The following PSMC5 variants were observed in gnomAD, a reference collection of about 807,000 sequenced individuals.
PSMC5 encodes proteasome 26S subunit, ATPase 5, also known as 26S proteasome regulatory subunit 8.
PSMC5 carries 11 observed loss-of-function variants against 49.1 expected under a neutral mutation model. The observed-to-expected ratio is 0.22, with a 90% CI of 0.14 to 0.37. The LOEUF (loss-of-function observed/expected upper bound fraction) is 0.37, where lower values mean the gene tolerates loss of function less well. Among genes scored for constraint, PSMC5 ranks in the 10% least tolerant of loss-of-function variants. The pLI is 1.00. For missense variants in PSMC5, 229 were observed against 520.9 expected (o/e 0.44, Z 5.45); for synonymous variants, 206 against 192.2 (o/e 1.07, Z -0.59).
intron 1 of PSMC5, 178 bp from the exon 2 acceptor site, chr17:63,827,960 G>A: frequency 7.7e-7 from 1 of 1,294,922 alleles, no homozygotes; most frequent in Non-Finnish European, 1.0e-6. Flanking sequence ...TTAGTCCTGG[G>A]AAAATGGAGG....
chr17:63,828,384 T>TC (rs1305780569), intron 2 of PSMC5, 175 bp downstream of exon 2: 2 of 606,142 alleles, frequency 3.3e-6, no homozygotes, highest in African/African-American at 3.7e-5. Context: ...TCTCTTGTTC[T>TC]CCTCCAGTCC....
Position 63,831,166 on chromosome 17 carries a change from G to A in PSMC5, c.810G>A (p.Gln270=), listed in dbSNP as rs1347049093. The A allele has an allele frequency of 1.3e-6, 2 of 1,561,774 alleles. No homozygotes were observed. Among genetic ancestry groups the A allele is most frequent in the Non-Finnish European group, 8.7e-7 (1 of 1,153,400 alleles). ...GTTCTGGAGGGGACAGTGAAGTGCA[G>A]CGCACGATGCTGGAGTTGCTCAACC... ...EGGSGGDSEV[Q]RTMLELLNQL... Residue 270 remains glutamine, a synonymous_variant, in exon 8 of 12, where the codon CAG becomes CAA. Coordinates refer to ENST00000310144, the MANE Select transcript of PSMC5 (RefSeq NM_002805.6). This position sits in a 1 kb window ranked among gnomAD's most constrained non-coding sequence, Gnocchi z 6.3.
Position 63,829,501 on chromosome 17 carries a change from T to C in PSMC5, c.104T>C (p.Val35Ala). 1 of 1,554,252 alleles carries C rather than the reference T, an allele frequency of 6.4e-7. No homozygotes were observed. The highest frequency in any genetic ancestry group is 8.7e-7 in the Non-Finnish European group (1 of 1,148,360). Residue 35 changes from valine (V) to alanine (A), a missense_variant, in exon 3 of 12, where the codon GTG becomes GCG. Physicochemically the swap from Val to Ala is moderately conservative, Grantham distance 64. Transcript: ENST00000310144. ...LSKIEELQLI[V>A]NDKSQNLRRL... ...GTCTCTTGTCTGCCACAGCTGATTG[T>C]GAATGATAAGAGCCAAAACCTCCGG... is the stretch of plus-strand genomic sequence containing the variant.
At chr17:63,829,722 C>T in intron 3 of PSMC5, 130 bp from the exon 4 acceptor site, 1 of 1,228,134 alleles carries the variant, frequency 8.1e-7, no homozygotes, top group Admixed American at 2.0e-5. Flanking sequence ...ATTGTAGCCT[C>T]CTTAAATACA....
At chr17:63,829,731 C>T in intron 3 of PSMC5, 121 bp from the exon 4 acceptor site, 2 of 1,265,830 alleles carry the variant, frequency 1.6e-6, no homozygotes, top group South Asian at 1.3e-5. Context: ...TCCTTAAATA[C>T]ATGAATTTTG....
chr17:63,828,927 G>A (rs1336843371), intron 2 of PSMC5: 1 of 154,174 alleles, frequency 6.5e-6, no homozygotes. Context: ...TAAATTGGAT[G>A]GGGGAAAGCC....
Position 63,828,227 on chromosome 17 carries a change from AG to A in PSMC5, c.96+21del. 6.2e-7 allele frequency: 1 copy of A among 1,613,292 alleles called. No homozygotes were observed. Among genetic ancestry groups the A allele is most frequent in the Non-Finnish European group, 8.5e-7 (1 of 1,179,338 alleles). ...AACTCCAGGTGAGGACGGACTCCAG[AG>A]GGAGCTAGGAAGGGTGATGATGGGG... is the stretch of plus-strand genomic sequence containing the variant. On this transcript the variant is annotated intron_variant, in intron 2 of 11. Transcript: ENST00000310144.
At position 63,830,549 on chromosome 17, in the gene PSMC5, C is replaced by G. The variant is rs774422521; in HGVS notation, c.552+48C>G. 1.3e-6 allele frequency: 2 copies of G among 1,597,788 alleles called. No homozygotes were observed. Among genetic ancestry groups the G allele is most frequent in the African/African-American group, 2.7e-5 (2 of 74,602 alleles). On this transcript the variant is annotated intron_variant, in intron 6 of 11. Coordinates refer to ENST00000310144, the MANE Select transcript of PSMC5 (RefSeq NM_002805.6). This position sits in a 1 kb window ranked among gnomAD's most constrained non-coding sequence, Gnocchi z 4.0. The stretch of plus-strand genomic sequence containing the variant: ...GAGGGCCAAGCTGTACTTACTCCTC[C>G]TGCCCCAGCCAGCCCTACTGCAGGG...
intron 3 of PSMC5, 111 bp from the exon 4 acceptor site, chr17:63,829,741 G>T: frequency 7.6e-7 from 1 of 1,315,140 alleles, no homozygotes; most frequent in Non-Finnish European, 1.1e-6. Flanking sequence ...CATGAATTTT[G>T]ACCTTTGGCC....
Position 63,830,864 on chromosome 17 carries a change from T to C in PSMC5, c.608T>C (p.Val203Ala). ...GGGAAGACACTGTTGGCCCGGGCTG[T>C]GGCTCATCATACGGACTGTACCTTT... ...GTGKTLLARAVAHHTDCTFIR... is the reference protein window; with the variant it reads ...GTGKTLLARAAAHHTDCTFIR... The change falls in exon 7 of 12, where the codon GTG becomes GCG. Residue 203 changes from valine (V) to alanine (A), a missense_variant. Transcript: ENST00000310144. The surrounding 1 kb of genome is among the most constrained non-coding windows in gnomAD (Gnocchi z 4.0). 1 of 1,614,128 alleles carries C rather than the reference T, an allele frequency of 6.2e-7. No individual in the cohort carries two copies. Among genetic ancestry groups the C allele is most frequent in the Non-Finnish European group, 8.5e-7 (1 of 1,179,992 alleles).
chr17:63,829,214 T>C (rs2040150614), intron 2 of PSMC5: 1 of 346,090 alleles, frequency 2.9e-6, no homozygotes, highest in East Asian at 4.9e-5. Flanking sequence ...TGCAAGAAAT[T>C]TGGTGTTACA....
chr17:63,827,654 G>C (rs1196135840), intron 1 of PSMC5, 140 bp downstream of exon 1: 7 of 1,505,510 alleles, frequency 4.6e-6, no homozygotes, highest in African/African-American at 1.4e-5. Context: ...CGCTGCCTGC[G>C]ACCGGATCTG....
chr17:63,827,919 A>G (rs2040130785), intron 1 of PSMC5: 2 of 1,378,134 alleles, frequency 1.5e-6, no homozygotes, highest in Non-Finnish European at 1.9e-6. Context: ...TAAAAGTCGT[A>G]TGAGGTAGGC....
chr17:63,829,779 C>T, intron 3 of PSMC5, 73 bp from the exon 4 acceptor site: 3 of 1,463,456 alleles, frequency 2.0e-6, no homozygotes, highest in Middle Eastern at 1.7e-4. Flanking sequence ...ATGCTTAGCT[C>T]ATGCACGTAG....
chr17:63,831,172 G>A lies in PSMC5; in HGVS notation c.816G>A (p.Thr272=), dbSNP rs549122051. ...GAGGGGACAGTGAAGTGCAGCGCACGATGCTGGAGTTGCTCAACCAGCTCG... is the reference window on the plus strand; with the variant it reads ...GAGGGGACAGTGAAGTGCAGCGCACAATGCTGGAGTTGCTCAACCAGCTCG... ...GSGGDSEVQR[T]MLELLNQLDG... The change falls in exon 8 of 12, where the codon ACG becomes ACA. Residue 272 remains threonine (T), a synonymous_variant. Coordinates refer to ENST00000310144, the MANE Select transcript of PSMC5 (RefSeq NM_002805.6). This position sits in a 1 kb window ranked among gnomAD's most constrained non-coding sequence, Gnocchi z 6.3. The A allele has an allele frequency of 5.1e-6, 8 of 1,559,328 alleles. No homozygotes were observed. The highest frequency in any genetic ancestry group is 4.1e-5 in the African/African-American group (3 of 73,134).
chr17:63,828,269 C>T, intron 2 of PSMC5, 60 bp downstream of exon 2: 1 of 1,528,870 alleles, frequency 6.5e-7, no homozygotes, highest in Non-Finnish European at 9.0e-7. Flanking sequence ...AAACGGACTT[C>T]CACAAATCCA....
chr17:63,828,806 A>G (rs570540078), intron 2 of PSMC5: 2 of 154,862 alleles, frequency 1.3e-5, no homozygotes, highest in East Asian at 3.8e-4. Flanking sequence ...GTAGTCTGTT[A>G]GTGTTACGTT....
Position 63,830,218 on chromosome 17 carries a change from T to G in PSMC5, c.321+29T>G. ...AGTGTAGCAGGTGAGGTGGTGGTGGTGGTGGGGTCAGCTCTTACTGTACCA... is the reference window on the plus strand; with the variant it reads ...AGTGTAGCAGGTGAGGTGGTGGTGGGGGTGGGGTCAGCTCTTACTGTACCA... On this transcript the variant is annotated intron_variant, in intron 5 of 11. Coordinates refer to ENST00000310144, the MANE Select transcript of PSMC5 (RefSeq NM_002805.6). This position sits in a 1 kb window ranked among gnomAD's most constrained non-coding sequence, Gnocchi z 4.0. 1 of 1,613,940 alleles carries G rather than the reference T, an allele frequency of 6.2e-7. No individual in the cohort carries two copies. The highest frequency in any genetic ancestry group is 8.5e-7 in the Non-Finnish European group (1 of 1,179,928).
chr17:63,830,713 C>A lies in PSMC5; in HGVS notation c.553-96C>A. The stretch of plus-strand genomic sequence containing the variant: ...GATGTTCCTTTTTTTTTTTTGTATC[C>A]CTAACATCTAGCAAGGGACCCAGCA... On this transcript the variant is annotated intron_variant, in intron 6 of 11. Coordinates refer to ENST00000310144, the MANE Select transcript of PSMC5 (RefSeq NM_002805.6). The surrounding 1 kb of genome is among the most constrained non-coding windows in gnomAD (Gnocchi z 4.0). 1 of 1,481,676 alleles carries A rather than the reference C, an allele frequency of 6.7e-7. No homozygotes were observed. Among genetic ancestry groups the A allele is most frequent in the Non-Finnish European group, 9.0e-7 (1 of 1,112,406 alleles). The allele number at this position is 1,481,676 out of a possible 1,614,324, so 91.8% of individuals were successfully genotyped here.
Sources: allele counts gnomAD v4.1 joint callset, GRCh38; gene constraint gnomAD v4.1.1; non-coding constraint Gnocchi (gnomAD v3.1); transcripts MANE v1.5; gene names NCBI Gene and HGNC (gene_info 2026-07-23, HGNC 2026-07-21).